The following XRCC4 variants were observed in gnomAD, a reference collection of about 807,000 sequenced individuals.
The protein encoded by XRCC4 is X-ray repair cross complementing 4.
A neutral mutation model predicts 39.1 loss-of-function variants in XRCC4; 28 were observed. The observed-to-expected ratio is 0.72, with a 90% CI of 0.53 to 0.98. The LOEUF (loss-of-function observed/expected upper bound fraction) is 0.98. Ranked by LOEUF, XRCC4 falls within the 50% of genes least tolerant of loss-of-function variation. XRCC4 has a pLI of 0.00. For missense variants in XRCC4, 350 were observed against 376.4 expected (o/e 0.93, Z 0.58); for synonymous variants, 123 against 126.4 (o/e 0.97, Z 0.18).
intron 7 of XRCC4, among the ~76,000 whole-genome samples, chr5:83,344,415 CTTTTTTTT>C (rs70973394): frequency 5.4e-4 from 62 of 115,224 alleles, no homozygotes; most frequent in East Asian, 1.0e-3. Flanking sequence ...TTATTTTTCA[CTTTTTTTT>C]TTTTTTTTTT....
intron 6 of XRCC4, among the ~76,000 whole-genome samples, chr5:83,224,661 T>G (rs1177794483): frequency 1.3e-5 from 2 of 152,206 alleles, no homozygotes; most frequent in Non-Finnish European, 2.9e-5. Context: ...TTTCTTATGC[T>G]TGAAGAACTT....
chr5:83,351,009 A>G (rs1480336865), intron 7 of XRCC4, among the ~76,000 whole-genome samples: 1 of 152,184 alleles, frequency 6.6e-6, no homozygotes, highest in Non-Finnish European at 1.5e-5. Context: ...TCTAATTGTA[A>G]TCCTCAATCT....
At chr5:83,203,489 C>G in intron 4 of XRCC4, 63 bp from the exon 5 acceptor site, 1 of 1,335,490 alleles carries the variant, frequency 7.5e-7, no homozygotes, top group East Asian at 2.7e-5. Context: ...GATTATTAGG[C>G]TGAATTATGT....
chr5:83,099,114 T>A (rs1343301016), intron 1 of XRCC4, among the ~76,000 whole-genome samples: 3 of 152,188 alleles, frequency 2.0e-5, no homozygotes, highest in African/African-American at 7.2e-5. Flanking sequence ...TACAGACTAT[T>A]AACAGCATAT....
In XRCC4 at chr5:83,310,962, G is replaced by A. The variant is rs28360298; in HGVS notation, c.894-42169G>A. On this transcript the variant is annotated intron_variant, in intron 7 of 7. Coordinates refer to ENST00000396027, the MANE Select transcript of XRCC4 (RefSeq NM_003401.5). Reference sequence around the variant, plus strand: ...AAACTGATCTTCCCTTCGAGCCTCCGGAGGGAGTGTAGCCCTGCCAACACC... The same window carrying A: ...AAACTGATCTTCCCTTCGAGCCTCCAGAGGGAGTGTAGCCCTGCCAACACC... 6.4e-3 allele frequency: 2,646 copies of A among 411,072 alleles called. 73 individuals are homozygous for A. The highest frequency in any genetic ancestry group is 0.05 in the African/African-American group (2,430 of 48,308). 25.5% of individuals were successfully genotyped at this position (411,072 alleles called of 1,614,324 possible).
At chr5:83,350,213 G>A (rs1580539825) in intron 7 of XRCC4, among the ~76,000 whole-genome samples, 1 of 152,110 alleles carries the variant, frequency 6.6e-6, no homozygotes, top group African/African-American at 2.4e-5. Flanking sequence ...GAATAGTGCT[G>A]CAATGAACAT....
In XRCC4 at chr5:83,172,626, A is replaced by G. The variant is rs188687700; in HGVS notation, c.316-23144A>G. On this transcript the variant is annotated intron_variant, in intron 3 of 7. Transcript: ENST00000396027. ...TTTTTCAGACATGTCACATTAAAGT[A>G]TAAGAAAATACATGTCTTTATTCAA... 5.3e-5 allele frequency among the ~76,000 whole-genome samples: 8 copies of G among 152,290 alleles called. No homozygotes were observed. The East Asian group carries it at 1.5e-3, about 29-fold the overall frequency.
At chr5:83,090,840 TATA>T (rs1580202779) in intron 1 of XRCC4, among the ~76,000 whole-genome samples, 1 of 152,218 alleles carries the variant, frequency 6.6e-6, no homozygotes, top group East Asian at 1.9e-4. Flanking sequence ...ACATATTTCT[TATA>T]ATATCACACA....
At chr5:83,239,686 G>A (rs926780592) in intron 6 of XRCC4, among the ~76,000 whole-genome samples, 4 of 151,858 alleles carry the variant, frequency 2.6e-5, no homozygotes, top group Non-Finnish European at 4.4e-5. Flanking sequence ...AAAATTAGCC[G>A]GGCATGGTGG....
chr5:83,213,177 A>G (rs1024515824), intron 6 of XRCC4, among the ~76,000 whole-genome samples: 2 of 152,066 alleles, frequency 1.3e-5, no homozygotes, highest in Non-Finnish European at 2.9e-5. Context: ...AATAAAGACG[A>G]AATAAAGACA....
chr5:83,078,489 G>A (rs907973369), intron 1 of XRCC4, among the ~76,000 whole-genome samples: 1 of 152,148 alleles, frequency 6.6e-6, no homozygotes, highest in African/African-American at 2.4e-5. Flanking sequence ...AAAGAGAGAA[G>A]GTAACTCACG....
intron 6 of XRCC4, among the ~76,000 whole-genome samples, chr5:83,227,179 T>C (rs1166690503): frequency 6.6e-6 from 1 of 152,146 alleles, no homozygotes; most frequent in Non-Finnish European, 1.5e-5. Context: ...GTTAGGGATG[T>C]ATTTTTATCT....
At chr5:83,231,831 G>A (rs558435081) in intron 6 of XRCC4, among the ~76,000 whole-genome samples, 7 of 152,044 alleles carry the variant, frequency 4.6e-5, no homozygotes, top group African/African-American at 9.7e-5. Context: ...TTTGGCTGGT[G>A]TGCCCCTTAC....
chr5:83,325,453 CT>C (rs1756225393), intron 7 of XRCC4, among the ~76,000 whole-genome samples: 1 of 152,002 alleles, frequency 6.6e-6, no homozygotes, highest in African/African-American at 2.4e-5. Context: ...TCCTGATGCT[CT>C]CCCTCCCCCA....
the XRCC4 span, among the ~76,000 whole-genome samples, chr5:83,366,433 G>A: frequency 6.6e-6 from 1 of 152,142 alleles, no homozygotes; most frequent in African/African-American, 2.4e-5. Context: ...ATCAACTTGA[G>A]CTAAAACAAG....
intron 7 of XRCC4, among the ~76,000 whole-genome samples, chr5:83,298,753 C>T (rs1484002996): frequency 6.6e-6 from 1 of 151,870 alleles, no homozygotes; most frequent in Non-Finnish European, 1.5e-5. Flanking sequence ...AACATGTTCT[C>T]TTAACTTATG....
At chr5:83,077,873 T>C (rs958604105) in intron 1 of XRCC4, 3 of 156,456 alleles carry the variant, frequency 1.9e-5, no homozygotes, top group African/African-American at 7.2e-5. Context: ...TGAGGGATTC[T>C]TGGGAATGCG....
chr5:83,323,587 C>CT (rs1756147630), intron 7 of XRCC4, among the ~76,000 whole-genome samples: 4 of 150,154 alleles, frequency 2.7e-5, no homozygotes, highest in African/African-American at 7.5e-5. Context: ...CTCTTCTCTT[C>CT]ATTTTTTTTT....
chr5:83,112,145 ATACT>A (rs1242648612), intron 3 of XRCC4, among the ~76,000 whole-genome samples: 1 of 152,154 alleles, frequency 6.6e-6, no homozygotes, highest in African/African-American at 2.4e-5. Flanking sequence ...TAAAATAAAC[ATACT>A]TTTTCTAATT....
Sources: gnomAD v4.1 joint callset for allele counts (sites outside exome capture counted in the v4.1 genomes callset) on GRCh38, gnomAD v4.1.1 for gene constraint, MANE v1.5 for transcripts, NCBI Gene and HGNC (gene_info 2026-07-23, HGNC 2026-07-21) for gene names.